Variants in KYAT1 observed in about 807,000 individuals in gnomAD.
KYAT1 encodes kynurenine aminotransferase 1.
KYAT1 carries 47 observed loss-of-function variants against 52.4 expected under a neutral mutation model. The observed-to-expected ratio is 0.90, with a 90% confidence interval of 0.71 to 1.14. KYAT1 has a LOEUF of 1.14. Ranked by LOEUF, KYAT1 falls within the 50% of genes most tolerant of loss-of-function variation. KYAT1 has a pLI of 0.00. For synonymous variants in KYAT1, 212 were observed against 209.6 expected (o/e 1.01, Z -0.10); for missense variants, 480 against 557.9 (o/e 0.86, Z 1.41).
At position 128,837,787 on chromosome 9, in the gene KYAT1, A is replaced by G. The variant is rs761385284; in HGVS notation, c.465T>C (p.Gly155=). 3 of 1,613,764 alleles carry G rather than the reference A, an allele frequency of 1.9e-6. No homozygotes were observed. The Admixed American group carries it at 5.0e-5, about 27-fold the overall frequency. The change falls in exon 6 of 13, where the codon GGT becomes GGC. Residue 155 remains glycine (G), a synonymous_variant. Coordinates refer to ENST00000302586, the MANE Select transcript of KYAT1 (RefSeq NM_004059.5). ...KPGPIQNGEL[G]SSSNWQLDPM... ...GGTCCAGCTGCCAGTTGCTGCTGGA[A>G]CCCAGTTCTCCATTCTGGATGGGAC... is the stretch of plus-strand genomic sequence containing the variant.
chr9:128,837,882 TCCCCACCTTCTCTC>T, intron 5 of KYAT1, 69 bp from the exon 6 acceptor site: 1 of 1,572,906 alleles, frequency 6.4e-7, no homozygotes, highest in Non-Finnish European at 8.7e-7. Context: ...CCAGCATCTA[TCCCCACCTTCTCTC>T]CCCTGGGATC....
At position 128,837,717 on chromosome 9, in the gene KYAT1, C is replaced by A. The variant is rs1373215130; in HGVS notation, c.535G>T (p.Val179Phe). 1 of 1,614,144 alleles carries A rather than the reference C, an allele frequency of 6.2e-7. No individual in the cohort carries two copies. ...AGGGGGTTGTTGGGGGTGTTGAGGA[C>A]CAGGGCTTTGGTGCGTGATGTGAAT... ...GKFTSRTKAL[V>F]LNTPNNPLGK... Residue 179 changes from valine (V) to phenylalanine (F), a missense_variant, in exon 6 of 13, where the codon GTC (valine) becomes TTC (phenylalanine). Val to Phe is a conservative substitution (Grantham distance 50, BLOSUM62 -1). Coordinates refer to ENST00000302586, the MANE Select transcript of KYAT1 (RefSeq NM_004059.5).
chr9:128,835,920 C>A (rs142549598), intron 8 of KYAT1, 52 bp from the exon 9 acceptor site: 13 of 1,606,582 alleles, frequency 8.1e-6, no homozygotes, highest in Admixed American at 3.3e-5. Context: ...CTGGCTAAAG[C>A]CTTCTTCATT....
At chr9:128,876,612 G>A (rs903011164) in intron 1 of KYAT1, among the ~76,000 whole-genome samples, 6 of 148,124 alleles carry the variant, frequency 4.1e-5, no homozygotes, top group Non-Finnish European at 6.0e-5. Flanking sequence ...GTAGAGACAG[G>A]GTTTCACCAT....
intron 1 of KYAT1, among the ~76,000 whole-genome samples, chr9:128,880,578 A>C (rs1838683707): frequency 1.3e-5 from 2 of 151,810 alleles, no homozygotes; most frequent in African/African-American, 4.8e-5. Flanking sequence ...AGTAGCTGGG[A>C]CCACAGGCGC....
chr9:128,857,606 G>T (rs1250001751), intron 1 of KYAT1, among the ~76,000 whole-genome samples: 1 of 152,180 alleles, frequency 6.6e-6, no homozygotes, highest in Non-Finnish European at 1.5e-5. Context: ...GGAGGCCAGG[G>T]CAGGCGGATC....
intron 1 of KYAT1, among the ~76,000 whole-genome samples, chr9:128,862,014 G>A (rs1355451174): frequency 6.6e-6 from 1 of 152,162 alleles, no homozygotes; most frequent in Non-Finnish European, 1.5e-5. Context: ...ACTGCTTTCT[G>A]ACCACTGAGT....
At chr9:128,834,561 C>T (rs774641279) in intron 11 of KYAT1, among the ~76,000 whole-genome samples, 6 of 151,746 alleles carry the variant, frequency 4.0e-5, no homozygotes, top group Admixed American at 2.0e-4. Flanking sequence ...CGGTGGCTCA[C>T]GCCTGTAATC....
At chr9:128,859,114 G>A (rs938865908) in intron 1 of KYAT1, among the ~76,000 whole-genome samples, 4 of 152,116 alleles carry the variant, frequency 2.6e-5, no homozygotes, top group African/African-American at 7.2e-5. Context: ...TGTAATCCCA[G>A]CATTTTGGGA....
intron 1 of KYAT1, among the ~76,000 whole-genome samples, chr9:128,861,122 G>T (rs1835409233): frequency 6.6e-6 from 1 of 152,176 alleles, no homozygotes; most frequent in African/African-American, 2.4e-5. Context: ...TCTGCCAAAC[G>T]CAATACAATG....
chr9:128,866,071 G>A (rs1263675511), intron 1 of KYAT1, among the ~76,000 whole-genome samples: 1 of 152,126 alleles, frequency 6.6e-6, no homozygotes, highest in East Asian at 1.9e-4. Flanking sequence ...CATCTCCTCA[G>A]TGAATTCCTA....
Position 128,858,825 on chromosome 9 carries a change from C to T in KYAT1, c.-6-13414G>A, listed in dbSNP as rs113366679. Among the ~76,000 whole-genome samples, 18 of 151,324 alleles carry T rather than the reference C, an allele frequency of 1.2e-4. No homozygotes were observed. The East Asian group carries it at 2.4e-3, about 20-fold the overall frequency. On this transcript the variant is annotated intron_variant, in intron 1 of 12. Transcript: ENST00000302586. ...GAGTTTGAGACCAGACTGGCCAACA[C>T]GGTGAAATCCTGTCTGTACTAACAA...
At chr9:128,862,485 A>G (rs1409887076) in intron 1 of KYAT1, among the ~76,000 whole-genome samples, 1 of 152,238 alleles carries the variant, frequency 6.6e-6, no homozygotes, top group African/African-American at 2.4e-5. Context: ...CAGGCCTTAT[A>G]GCAGATTGTA....
At chr9:128,851,265 C>T (rs557291630) in intron 1 of KYAT1, among the ~76,000 whole-genome samples, 3 of 152,090 alleles carry the variant, frequency 2.0e-5, no homozygotes, top group Non-Finnish European at 4.4e-5. Flanking sequence ...GGGCCTTTCT[C>T]CAGGGTGAAG....
intron 1 of KYAT1, among the ~76,000 whole-genome samples, chr9:128,865,865 T>C (rs1424000215): frequency 2.6e-5 from 4 of 152,158 alleles, no homozygotes. Flanking sequence ...TCCTGACATT[T>C]TTCTCATCCT....
Position 128,842,727 on chromosome 9 carries a change from G to C in KYAT1, c.128C>G (p.Pro43Arg), listed in dbSNP as rs1244734088. 1.2e-6 allele frequency: 2 copies of C among 1,614,180 alleles called. No homozygotes were observed. Among genetic ancestry groups the C allele is most frequent in the Non-Finnish European group, 1.7e-6 (2 of 1,180,010 alleles). Residue 43 changes from proline (P) to arginine (R), a missense_variant, in exon 3 of 13, where the codon CCA becomes CGA. Transcript: ENST00000302586. ...LGQGFPDFPP[P>R]DFAVEAFQHA... ...CTGAAAGGCTTCCACGGCAAAGTCTGGTGGTGGGAAATCCGGGAAGCCCTG... is the reference window on the plus strand; with the variant it reads ...CTGAAAGGCTTCCACGGCAAAGTCTCGTGGTGGGAAATCCGGGAAGCCCTG...
chr9:128,857,142 A>T (rs774376544), intron 1 of KYAT1, among the ~76,000 whole-genome samples: 4 of 152,252 alleles, frequency 2.6e-5, no homozygotes, highest in Admixed American at 2.6e-4. Context: ...CTACGTGCAC[A>T]TGCAGGCATA....
intron 1 of KYAT1, among the ~76,000 whole-genome samples, chr9:128,863,784 G>A (rs1323619600): frequency 1.3e-5 from 2 of 152,156 alleles, no homozygotes; most frequent in East Asian, 1.9e-4. Context: ...TGGCTTTGAG[G>A]TTGCTGGCCC....
At chr9:128,835,265 T>C in intron 11 of KYAT1, 58 bp downstream of exon 11, 1 of 1,462,624 alleles carries the variant, frequency 6.8e-7, no homozygotes. Flanking sequence ...CTGGGCACCC[T>C]TGAGCAGCAC....
Sources: gnomAD v4.1 joint callset for allele counts (sites outside exome capture counted in the v4.1 genomes callset) on GRCh38, gnomAD v4.1.1 for gene constraint, MANE v1.5 for transcripts, NCBI Gene and HGNC (gene_info 2026-07-23, HGNC 2026-07-21) for gene names.